The following IKBKE variants were observed in gnomAD, a reference collection of about 807,000 sequenced individuals.
The protein encoded by IKBKE is inhibitor of nuclear factor kappa B kinase subunit epsilon.
IKBKE carries 45 observed loss-of-function variants against 92.1 expected under a neutral mutation model. The ratio of observed to expected loss-of-function variants is 0.49; its 90% CI spans 0.38 to 0.63. The LOEUF (loss-of-function observed/expected upper bound fraction) is 0.63. IKBKE is among the 20% of genes least tolerant of loss of function. The probability of loss-of-function intolerance (pLI) is 0.00; values close to 1 mark genes in which losing one functional copy is unlikely to be tolerated. For missense variants in IKBKE, 700 were observed against 932.8 expected (o/e 0.75, Z 3.25); for synonymous variants, 374 against 380.3 (o/e 0.98, Z 0.19).
chr1:206,493,720 C>T (rs1028559876), intron 20 of IKBKE, among the ~76,000 whole-genome samples, 200 bp from the exon 21 acceptor site: 4 of 152,316 alleles, frequency 2.6e-5, no homozygotes, highest in African/African-American at 9.6e-5. Context: ...ATCCAGGAGG[C>T]AGAGGTTGCA....
chr1:206,485,268 G>A lies in IKBKE; in HGVS notation c.1578G>A (p.Glu526=), dbSNP rs1553388314. Residue 526 remains glutamate, a synonymous_variant, in exon 15 of 22, where the codon GAG becomes GAA. Transcript: ENST00000581977. The surrounding 1 kb of genome is among the most constrained non-coding windows in gnomAD (Gnocchi z 5.0). ...AGAGCCTGAGCAGCCTGAACCGGGA[G>A]CTGGTGAAGAGCCGGGATCAGGTAC... The part of the protein sequence containing the change: ...TQESLSSLNR[E]LVKSRDQVHE... 6 of 1,613,844 alleles carry A rather than the reference G, an allele frequency of 3.7e-6. No homozygotes were observed. The highest frequency in any genetic ancestry group is 4.2e-6 in the Non-Finnish European group (5 of 1,179,674).
chr1:206,485,136 C>G lies in IKBKE; in HGVS notation c.1504-58C>G, dbSNP rs1665585110. The G allele has an allele frequency of 3.2e-6, 5 of 1,586,782 alleles. No individual in the cohort carries two copies. The highest frequency in any genetic ancestry group is 4.5e-5 in the East Asian group (2 of 44,772). On this transcript the variant is annotated intron_variant, in intron 14 of 21. Transcript: ENST00000581977. This position sits in a 1 kb window ranked among gnomAD's most constrained non-coding sequence, Gnocchi z 5.0. ...AGCTGGGGGCCCGTGTTCCAGCCAG[C>G]CTGCCCACCAGTGCCCAGGCTGAAG...
chr1:206,484,613 C>T (rs1665561958), intron 13 of IKBKE, among the ~76,000 whole-genome samples: 3 of 152,190 alleles, frequency 2.0e-5, no homozygotes. Context: ...GCTTTTCCCT[C>T]ATCAGAAAGC....
intron 5 of IKBKE, 58 bp downstream of exon 5, chr1:206,475,052 T>C: frequency 1.3e-6 from 2 of 1,579,930 alleles, no homozygotes; most frequent in Non-Finnish European, 1.7e-6. Flanking sequence ...CTGGGACAGA[T>C]GCTGACAGGA....
At position 206,473,323 on chromosome 1, in the gene IKBKE, C is replaced by A. The variant is rs41295990; in HGVS notation, c.87+9C>A. The A allele has an allele frequency of 1.3e-3, 2,099 of 1,603,296 alleles. 29 individuals are homozygous for A. In the African/African-American group the frequency reaches 0.026, roughly 20 times the overall value. ...ACAAGGCCCGCAACAAGGTAGGAAG[C>A]AACCCTGGCCAGGCCCTGTCCAGCC... On this transcript the variant is annotated intron_variant, in intron 3 of 21. Coordinates refer to ENST00000581977, the MANE Select transcript of IKBKE (RefSeq NM_014002.4).
chr1:206,474,868 G>A lies in IKBKE; in HGVS notation c.232G>A (p.Gly78Arg), dbSNP rs202128741. The A allele has an allele frequency of 2.0e-5, 33 of 1,613,884 alleles. No homozygotes were observed. The highest frequency in any genetic ancestry group is 1.6e-4 in the Middle Eastern group (1 of 6,062). ...CCCCTCTCTGTCCCACCCATAGGGCGGAAGCCGGCAGAAGGTACTGGTGAT... is the reference window on the plus strand; with the variant it reads ...CCCCTCTCTGTCCCACCCATAGGGCAGAAGCCGGCAGAAGGTACTGGTGAT... ...VKLFAVEETG[G>R]SRQKVLVMEY... Residue 78 changes from glycine to arginine, a missense_variant, in exon 5 of 22, where the codon GGA becomes AGA. Physicochemically the swap from Gly to Arg is moderately radical, Grantham distance 125. Coordinates refer to ENST00000581977, the MANE Select transcript of IKBKE (RefSeq NM_014002.4).
chr1:206,489,531 C>T (rs1468634617), intron 16 of IKBKE, among the ~76,000 whole-genome samples: 4 of 151,552 alleles, frequency 2.6e-5, no homozygotes, highest in South Asian at 2.1e-4. Flanking sequence ...AGCAAGACCC[C>T]GTCTCTACAA....
intron 13 of IKBKE, among the ~76,000 whole-genome samples, chr1:206,482,102 A>G (rs1281559800): frequency 1.3e-5 from 2 of 152,114 alleles, no homozygotes; most frequent in Non-Finnish European, 2.9e-5. Context: ...TTAAGGCCAG[A>G]AAGAAGAAGA....
intron 18 of IKBKE, chr1:206,492,305 C>T: frequency 2.5e-6 from 1 of 394,000 alleles, no homozygotes; most frequent in Non-Finnish European, 5.3e-6. Flanking sequence ...CACTCTCCAT[C>T]CCCTGCCTGT....
chr1:206,486,137 C>T (rs192120464), intron 15 of IKBKE, among the ~76,000 whole-genome samples: 173 of 152,368 alleles, frequency 1.1e-3, no homozygotes, highest in Admixed American at 2.2e-3. Flanking sequence ...ATCCCACTTA[C>T]GGTGAATGTT....
chr1:206,472,433 A>G (rs1664824451), intron 2 of IKBKE, among the ~76,000 whole-genome samples: 1 of 152,140 alleles, frequency 6.6e-6, no homozygotes, highest in South Asian at 2.1e-4. Flanking sequence ...GCTTTGGGGA[A>G]AAGATGAGGA....
At chr1:206,473,044 T>G (rs1664863291) in intron 2 of IKBKE, 152 bp from the exon 3 acceptor site, 1 of 635,698 alleles carries the variant, frequency 1.6e-6, no homozygotes, top group Non-Finnish European at 2.8e-6. Flanking sequence ...TTAACCTTTC[T>G]GTGCTTCACA....
chr1:206,477,236 G>C (rs1553385636), intron 7 of IKBKE, among the ~76,000 whole-genome samples: 1 of 152,184 alleles, frequency 6.6e-6, no homozygotes, highest in Non-Finnish European at 1.5e-5. Flanking sequence ...AGTAGCAAGT[G>C]GCTGGAGACA....
At chr1:206,488,088 C>T (rs1176863641) in intron 16 of IKBKE, 98 bp downstream of exon 16, 26 of 879,484 alleles carry the variant, frequency 3.0e-5, no homozygotes, top group Non-Finnish European at 4.2e-5. Flanking sequence ...CACTAACCTC[C>T]AGCTAAGTGG....
chr1:206,494,749 G>A (rs1666141154), intron 21 of IKBKE, among the ~76,000 whole-genome samples: 1 of 151,270 alleles, frequency 6.6e-6, no homozygotes, highest in Admixed American at 6.6e-5. Flanking sequence ...GATTACAGGT[G>A]TCCACCACCA....
chr1:206,482,349 T>C (rs1315551800), intron 13 of IKBKE, among the ~76,000 whole-genome samples: 2 of 152,212 alleles, frequency 1.3e-5, no homozygotes, highest in Admixed American at 1.3e-4. Context: ...TAGAGAGCCA[T>C]TGTAGATTCT....
intron 13 of IKBKE, among the ~76,000 whole-genome samples, chr1:206,481,302 T>C (rs1665373876): frequency 6.6e-6 from 1 of 152,148 alleles, no homozygotes; most frequent in Non-Finnish European, 1.5e-5. Context: ...AGACTGCCCA[T>C]ATGCCTGAAG....
At chr1:206,472,025 G>A (rs533418168) in intron 2 of IKBKE, among the ~76,000 whole-genome samples, 10 of 152,314 alleles carry the variant, frequency 6.6e-5, no homozygotes, top group Non-Finnish European at 1.0e-4. Flanking sequence ...CCATGTGGCC[G>A]GATTGCCTGA....
At position 206,477,877 on chromosome 1, in the gene IKBKE, G is replaced by T; in HGVS notation, c.812+18G>T. On this transcript the variant is annotated intron_variant, in intron 8 of 21. Transcript: ENST00000581977. ...CTGTCACTGTGAGTGGGACCCTGCT[G>T]GGGGGTGATGCTGGAGTCTGAGCTG... The T allele has an allele frequency of 6.8e-7, 1 of 1,464,052 alleles. No individual in the cohort carries two copies. Among genetic ancestry groups the T allele is most frequent in the Non-Finnish European group, 9.4e-7 (1 of 1,068,728 alleles). The allele number at this position is 1,464,052 out of a possible 1,614,324, so 90.7% of individuals were successfully genotyped here. A position where few individuals can be genotyped will look rare whatever the true frequency, so the allele number is the denominator to read the frequency against.
Sources: gnomAD v4.1 joint callset for allele counts (sites outside exome capture counted in the v4.1 genomes callset) on GRCh38, gnomAD v4.1.1 for gene constraint, Gnocchi (gnomAD v3.1) non-coding constraint, MANE v1.5 for transcripts, NCBI Gene and HGNC (gene_info 2026-07-23, HGNC 2026-07-21) for gene names.